NUDC: variants seen among roughly 807,000 people sequenced by gnomAD.
The protein encoded by NUDC is nuclear distribution C, dynein complex regulator.
In NUDC, 14 loss-of-function variants were observed where a neutral mutation model predicts 45.0. That is an observed-to-expected ratio of 0.31 (90% CI 0.21 to 0.49). The LOEUF is 0.49. Among genes scored for constraint, NUDC ranks in the 20% least tolerant of loss-of-function variants. The pLI, the probability that NUDC is intolerant of heterozygous loss-of-function variation, is 0.99. For missense variants in NUDC, 323 were observed against 426.2 expected, an observed-to-expected ratio of 0.76 and a Z score of 2.13; for synonymous variants, 153 against 156.7, an observed-to-expected ratio of 0.98 and a Z score of 0.17.
chr1:26,922,043 C>T (rs967600989), intron 1 of NUDC, 114 bp downstream of exon 1: 7 of 1,090,050 alleles, frequency 6.4e-6, no homozygotes, highest in African/African-American at 1.6e-5. Flanking sequence ...TCTGGGATGC[C>T]CCTACATTCT....
rs768973953 is a variant in NUDC at position 26,924,077 on chromosome 1, C to T, written c.82-12C>T. ...GCAGCTCTACTACTTTAATCTTCTC[C>T]CCCTCTTTCAGCTTGTGAACACCTT... On this transcript the variant is annotated splice_polypyrimidine_tract_variant and intron_variant, in intron 1 of 8. Coordinates refer to ENST00000321265, the MANE Select transcript of NUDC (RefSeq NM_006600.4). 1.9e-6 allele frequency: 3 copies of T among 1,613,570 alleles called. No individual in the cohort carries two copies. The highest frequency in any genetic ancestry group is 1.3e-5 in the African/African-American group (1 of 74,878).
intron 2 of NUDC, among the ~76,000 whole-genome samples, chr1:26,905,372 G>A (rs2081998909): frequency 6.6e-6 from 1 of 151,310 alleles, no homozygotes; most frequent in Admixed American, 6.6e-5. Flanking sequence ...TGCTGGCCAG[G>A]CTGGTCTCGA....
chr1:26,922,271 G>T (rs187734376), intron 1 of NUDC: 1 of 405,756 alleles, frequency 2.5e-6, no homozygotes, highest in East Asian at 5.7e-5. Flanking sequence ...TCGTGATTTG[G>T]ATCCACCAAG....
chr1:26,942,610 C>G, intron 4 of NUDC, 50 bp from the exon 5 acceptor site: 1 of 1,612,604 alleles, frequency 6.2e-7, no homozygotes, highest in South Asian at 1.1e-5. Context: ...AGGGTTCAAT[C>G]TGTGTCTTGT....
exon 1 of NUDC, chr1:26,900,306 C>G (rs143636280): frequency 6.2e-4 from 1,007 of 1,613,964 alleles, no homozygotes; most frequent in Non-Finnish European, 8.0e-4. Flanking sequence ...GTAGTGGAAA[C>G]AGAGGAAGCC....
rs1365357620 is a variant in NUDC, at chr1:26,921,866, G to C, written c.18G>C (p.Glu6Asp). ...CCGGCGCGATGGGCGGAGAGCAGGA[G>C]GAGGAGCGGTTCGACGGCATGTTGC... The part of the protein sequence containing the change: MGGEQ[E>D]EERFDGMLLA... Residue 6 changes from glutamate to aspartate, a missense_variant, in exon 1 of 9, where the codon GAG becomes GAC. Physicochemically the swap from Glu to Asp is conservative, Grantham distance 45 (BLOSUM62 2). This residue lies in a region of NUDC where 24 missense variants were observed against 47.2 expected (regional missense o/e 0.51). Transcript: ENST00000321265. 13 of 1,554,450 alleles carry C rather than the reference G, an allele frequency of 8.4e-6. No individual in the cohort carries two copies. The highest frequency in any genetic ancestry group is 1.1e-5 in the Non-Finnish European group (13 of 1,149,142).
chr1:26,941,860 G>C (rs770038546), intron 4 of NUDC, 42 bp downstream of exon 4: 6 of 1,582,172 alleles, frequency 3.8e-6, no homozygotes, highest in South Asian at 3.3e-5. Flanking sequence ...CAGGAGCTTG[G>C]AACTTACAGG....
At chr1:26,940,489 T>G (rs2082267652) in intron 2 of NUDC, among the ~76,000 whole-genome samples, 1 of 143,288 alleles carries the variant, frequency 7.0e-6, no homozygotes, top group Non-Finnish European at 1.5e-5. Flanking sequence ...AAAAAAAAAT[T>G]AAAAAAAAAA....
upstream of NUDC, among the ~76,000 whole-genome samples, chr1:26,921,362 G>T (rs1272785432): frequency 1.3e-5 from 2 of 152,164 alleles, no homozygotes; most frequent in Non-Finnish European, 2.9e-5. Flanking sequence ...CTGTCCTGTG[G>T]TAAGTCCCTT....
At chr1:26,901,227 C>T (rs1174400989) in intron 1 of NUDC, among the ~76,000 whole-genome samples, 1 of 150,574 alleles carries the variant, frequency 6.6e-6, no homozygotes, top group African/African-American at 2.5e-5. Flanking sequence ...AGTGCTGGGA[C>T]CACAGATGCA....
At chr1:26,918,085 G>A (rs2082070586), upstream of NUDC, among the ~76,000 whole-genome samples, 1 of 151,804 alleles carries the variant, frequency 6.6e-6, no homozygotes, top group Non-Finnish European at 1.5e-5. Flanking sequence ...CTCATATCAT[G>A]GGGTTCATTC....
rs2082094339 is a variant in NUDC, at chr1:26,921,912, G to C, written c.64G>C (p.Glu22Gln). 6.4e-7 allele frequency: 1 copy of C among 1,553,130 alleles called. No individual in the cohort carries two copies. Among genetic ancestry groups the C allele is most frequent in the Admixed American group, 2.0e-5 (1 of 51,188 alleles). The change falls in exon 1 of 9, where the codon GAG becomes CAG. Residue 22 changes from glutamate (E) to glutamine (Q), a missense_variant. Around this residue, in one of 3 missense-constraint regions of NUDC, gnomAD observed 24 missense variants for 47.2 expected, o/e 0.51. Coordinates refer to ENST00000321265, the MANE Select transcript of NUDC (RefSeq NM_006600.4). ...GMLLAMAQQH[E>Q]GGVQELVNTF... is the part of the protein sequence containing the mutation. ...GTTGCTGGCCATGGCTCAGCAGCAC[G>C]AGGGCGGCGTGCAGGAGGTAACGGC...
At chr1:26,926,339 T>C (rs2082133016) in intron 2 of NUDC, among the ~76,000 whole-genome samples, 1 of 152,226 alleles carries the variant, frequency 6.6e-6, no homozygotes, top group South Asian at 2.1e-4. Context: ...ACACATTACC[T>C]AAGAGTAGGA....
chr1:26,902,213 T>A (rs2081982462), intron 1 of NUDC: 1 of 152,202 alleles, frequency 6.6e-6, no homozygotes, highest in African/African-American at 2.4e-5. Flanking sequence ...CATGAAAGCT[T>A]TGAGGAACTT....
chr1:26,932,705 C>T (rs1285538429), intron 2 of NUDC, among the ~76,000 whole-genome samples: 1 of 152,152 alleles, frequency 6.6e-6, no homozygotes, highest in Non-Finnish European at 1.5e-5. Flanking sequence ...CTCTTTGCAT[C>T]TTAGGGAACT....
chr1:26,914,913 G>C (rs2082053106), intron 3 of NUDC, among the ~76,000 whole-genome samples: 1 of 151,786 alleles, frequency 6.6e-6, no homozygotes, highest in African/African-American at 2.4e-5. Flanking sequence ...GTTACAGTGA[G>C]CTGAGATCAT....
At chr1:26,912,492 A>C (rs1400847090) in intron 3 of NUDC, among the ~76,000 whole-genome samples, 1 of 152,116 alleles carries the variant, frequency 6.6e-6, no homozygotes, top group Non-Finnish European at 1.5e-5. Context: ...AAACCCTTAG[A>C]ATAGGGCCTA....
At chr1:26,937,774 T>C (rs2082246846) in intron 2 of NUDC, among the ~76,000 whole-genome samples, 1 of 151,924 alleles carries the variant, frequency 6.6e-6, no homozygotes, top group African/African-American at 2.4e-5. Flanking sequence ...TGCCTCAGTC[T>C]CTCGAGTAGC....
rs761241624 is a variant in NUDC at position 26,913,659 on chromosome 1, G to C, written c.93+2424G>C. ...CTTGGGCCAACCCAAGCAGGAAGAG[G>C]GGGCCCCAGCAACCCTGCAGCAGCC... On this transcript the variant is annotated intron_variant, in intron 3 of 6. Coordinates refer to the NUDC transcript ENST00000435827. 5 of 1,613,720 alleles carry C rather than the reference G, an allele frequency of 3.1e-6. No homozygotes were observed. In the South Asian group the frequency reaches 5.5e-5, roughly 18 times the overall value.
Sources: allele counts gnomAD v4.1 joint callset (sites outside exome capture counted in the v4.1 genomes callset), GRCh38; gene constraint gnomAD v4.1.1; regional missense constraint gnomAD v4.1.1; transcripts MANE v1.5; gene names NCBI Gene and HGNC (gene_info 2026-07-23, HGNC 2026-07-21).